MEOX1: variants seen among roughly 807,000 people sequenced by gnomAD.
MEOX1 encodes the protein mesenchyme homeobox 1, also known as homeobox protein MOX-1.
Under a neutral mutation model 23.2 loss-of-function variants are expected in MEOX1, and 17 were observed. The ratio of observed to expected loss-of-function variants is 0.73; its 90% CI spans 0.50 to 1.10. The LOEUF is 1.10. Among genes scored for constraint, MEOX1 ranks in the 50% least tolerant of loss-of-function variants. MEOX1 has a pLI of 0.00. For missense variants in MEOX1, 333 were observed against 332.2 expected, an observed-to-expected ratio of 1.00 and a Z score of -0.02; for synonymous variants, 134 against 135.1, an observed-to-expected ratio of 0.99 and a Z score of 0.06.
At chr17:43,645,169 A>ATATT (rs1567742598) in intron 1 of MEOX1, among the ~76,000 whole-genome samples, 3 of 129,714 alleles carry the variant, frequency 2.3e-5, no homozygotes, top group African/African-American at 6.7e-5. Context: ...TTCATTAATT[A>ATATT]TCTTTTTTTT....
intron 1 of MEOX1, among the ~76,000 whole-genome samples, chr17:43,653,176 G>C (rs1039862556): frequency 2.3e-5 from 3 of 132,722 alleles, no homozygotes; most frequent in Admixed American, 8.6e-5. Flanking sequence ...ATCTCACTCT[G>C]TCTCCCCAGC....
chr17:43,641,874 G>T lies in MEOX1; in HGVS notation c.*36C>A. 6.3e-7 allele frequency: 1 copy of T among 1,588,488 alleles called. No homozygotes were observed. Among genetic ancestry groups the T allele is most frequent in the South Asian group, 1.1e-5 (1 of 87,204 alleles). ...TGGGGTGGGGGTAGTTGGGTAGGGG[G>T]CTCAGTCCTTAGTCATTTTTCCTCC... On this transcript the variant is annotated 3_prime_UTR_variant, in exon 3 of 3. Transcript: ENST00000318579.
At chr17:43,648,469 A>G (rs1398314510) in intron 1 of MEOX1, among the ~76,000 whole-genome samples, 1 of 147,478 alleles carries the variant, frequency 6.8e-6, no homozygotes, top group Non-Finnish European at 1.5e-5. Context: ...TCTGTCTCAA[A>G]AAAAAAAAAA....
chr17:43,647,504 CCTGG>C (rs1312325998), intron 1 of MEOX1, among the ~76,000 whole-genome samples: 1 of 152,164 alleles, frequency 6.6e-6, no homozygotes, highest in African/African-American at 2.4e-5. Flanking sequence ...CTCCATATCT[CCTGG>C]CTGGCTGGCT....
chr17:43,661,344 G>T lies in MEOX1; in HGVS notation c.191C>A (p.Ala64Asp). ...GTGTGGGGTGGCTGCCAGGCAGGAG[G>T]CTGAGAAGTCAGGGTACGCTGCCGT... ...TATAAYPDFS[A>D]SCLAATPHSL... The change falls in exon 1 of 3, where the codon GCC (alanine) becomes GAC (aspartate). Residue 64 changes from alanine to aspartate, a missense_variant. Physicochemically the swap from Ala to Asp is moderately radical, Grantham distance 126. Coordinates refer to ENST00000318579, the MANE Select transcript of MEOX1 (RefSeq NM_004527.4). 2 of 1,613,806 alleles carry T rather than the reference G, an allele frequency of 1.2e-6. No individual in the cohort carries two copies. Among genetic ancestry groups the T allele is most frequent in the Non-Finnish European group, 8.5e-7 (1 of 1,179,876 alleles).
At chr17:43,650,920 T>G (rs1028618789) in intron 1 of MEOX1, among the ~76,000 whole-genome samples, 1 of 152,092 alleles carries the variant, frequency 6.6e-6, no homozygotes, top group African/African-American at 2.4e-5. Flanking sequence ...CCTTTTCCTC[T>G]CCTGTAGGTG....
intron 1 of MEOX1, among the ~76,000 whole-genome samples, chr17:43,648,496 A>C (rs528139886): frequency 6.6e-6 from 1 of 151,880 alleles, no homozygotes; most frequent in South Asian, 2.1e-4. Flanking sequence ...AAAGAAAAAG[A>C]AACTAACTCA....
At chr17:43,648,694 C>G (rs1456775149) in intron 1 of MEOX1, among the ~76,000 whole-genome samples, 2 of 152,162 alleles carry the variant, frequency 1.3e-5, no homozygotes. Flanking sequence ...CCTACTCTCT[C>G]TTCCATTGAG....
In MEOX1 at chr17:43,661,499, G is replaced by C; in HGVS notation, c.36C>G (p.Leu12=). ...AGCCCCAGACAGGGGCTGGGGGCTG[G>C]AGGCTCCTCATGCAGCTGCTGGCCG... ...DPAASSCMRS[L]QPPAPVWGCL... is the part of the protein sequence containing the mutation. The change falls in exon 1 of 3, where the codon CTC becomes CTG. Residue 12 remains leucine (L), a synonymous_variant. Coordinates refer to ENST00000318579, the MANE Select transcript of MEOX1 (RefSeq NM_004527.4). 1 of 1,595,002 alleles carries C rather than the reference G, an allele frequency of 6.3e-7. No individual in the cohort carries two copies. The highest frequency in any genetic ancestry group is 8.5e-7 in the Non-Finnish European group (1 of 1,171,632).
At position 43,641,931 on chromosome 17, in the gene MEOX1, T is replaced by C. The variant is rs1475780808; in HGVS notation, c.744A>G (p.Thr248=). 1.2e-6 allele frequency: 2 copies of C among 1,613,774 alleles called. No homozygotes were observed. Reference sequence around the variant, plus strand: ...AATCTCACTCTGAACTTGGAGAGGCTGTGGAGTCCCCATCCTCAGGGTCCT... The same window carrying C: ...AATCTCACTCTGAACTTGGAGAGGCCGTGGAGTCCCCATCCTCAGGGTCCT... ...NGQDPEDGDS[T]ASPSSE is the part of the protein sequence containing the mutation. The change falls in exon 3 of 3, where the codon ACA becomes ACG. Residue 248 remains threonine (T), a synonymous_variant. Transcript: ENST00000318579.
intron 1 of MEOX1, among the ~76,000 whole-genome samples, chr17:43,660,539 G>A (rs1408904872): frequency 3.3e-5 from 5 of 152,132 alleles, no homozygotes; most frequent in South Asian, 2.1e-4. Flanking sequence ...CATCCCAGCC[G>A]CAGGCCTGCT....
intron 1 of MEOX1, among the ~76,000 whole-genome samples, chr17:43,658,858 G>C (rs969620058): frequency 6.6e-6 from 1 of 152,226 alleles, no homozygotes; most frequent in African/African-American, 2.4e-5. Flanking sequence ...ATCACAGGGG[G>C]ATGAGTGAGA....
intron 1 of MEOX1, among the ~76,000 whole-genome samples, chr17:43,656,981 A>G (rs960696758): frequency 7.5e-6 from 1 of 133,384 alleles, no homozygotes; most frequent in African/African-American, 2.9e-5. Context: ...CCGTTTGTTC[A>G]TTTTCTTTCT....
At position 43,651,271 on chromosome 17, in the gene MEOX1, A is replaced by T. The variant is rs1455936424; in HGVS notation, c.470-7611T>A. Among the ~76,000 whole-genome samples, 3 of 152,170 alleles carry T rather than the reference A, an allele frequency of 2.0e-5. No individual in the cohort carries two copies. The South Asian group carries it at 6.2e-4, about 32-fold the overall frequency. On this transcript the variant is annotated intron_variant, in intron 1 of 2. Transcript: ENST00000318579. Reference sequence around the variant, plus strand: ...GAGGCCGAGCTTGCAGGAAGCCTAGATCGTGCCACTGCACTCCAGCCTGGG... The same window carrying T: ...GAGGCCGAGCTTGCAGGAAGCCTAGTTCGTGCCACTGCACTCCAGCCTGGG...
intron 1 of MEOX1, among the ~76,000 whole-genome samples, chr17:43,651,320 G>GA (rs979002374): frequency 1.3e-5 from 2 of 151,832 alleles, no homozygotes; most frequent in African/African-American, 2.4e-5. Flanking sequence ...CTCCGTCTCA[G>GA]AAAAAAAAGT....
At chr17:43,657,162 C>A (rs1405489006) in intron 1 of MEOX1, among the ~76,000 whole-genome samples, 3 of 64,400 alleles carry the variant, frequency 4.7e-5, no homozygotes, top group Non-Finnish European at 8.5e-5. Flanking sequence ...CTCTTTCTTT[C>A]TTTCTTTCTT....
intron 1 of MEOX1, among the ~76,000 whole-genome samples, chr17:43,648,917 G>A (rs1477408478): frequency 6.6e-6 from 1 of 152,210 alleles, no homozygotes; most frequent in African/African-American, 2.4e-5. Flanking sequence ...ATATGCAGAC[G>A]TGTCGGAGGA....
intron 1 of MEOX1, among the ~76,000 whole-genome samples, chr17:43,653,807 C>T (rs1004512283): frequency 3.3e-5 from 5 of 151,502 alleles, no homozygotes; most frequent in Admixed American, 2.6e-4. Context: ...CGCACCCGGC[C>T]AACTGCCTCC....
chr17:43,657,008 CTTTCTCTT>C (rs1973034239), intron 1 of MEOX1, among the ~76,000 whole-genome samples: 2 of 101,676 alleles, frequency 2.0e-5, no homozygotes, highest in South Asian at 3.1e-4. Flanking sequence ...TTCTTTCTTT[CTTTCTCTT>C]TCTTTCTTTC....
Sources: gnomAD v4.1 joint callset for allele counts (sites outside exome capture counted in the v4.1 genomes callset) on GRCh38, gnomAD v4.1.1 for gene constraint, MANE v1.5 for transcripts, NCBI Gene and HGNC (gene_info 2026-07-23, HGNC 2026-07-21) for gene names.